DCLK2: variants seen among roughly 807,000 people sequenced by gnomAD.
The protein encoded by DCLK2 is serine/threonine-protein kinase DCLK2.
In DCLK2, 31 loss-of-function variants were observed where a neutral mutation model predicts 78.4. The observed-to-expected ratio is 0.40, with a 90% CI of 0.30 to 0.53. The LOEUF is 0.53. Among genes scored for constraint, DCLK2 ranks in the 20% least tolerant of loss-of-function variants. DCLK2 has a pLI of 0.61. For synonymous variants in DCLK2, 407 were observed against 374.9 expected (o/e 1.09, Z -0.99); for missense variants, 872 against 973.7 (o/e 0.90, Z 1.39).
At position 150,249,697 on chromosome 4, in the gene DCLK2, C is replaced by T. The variant is rs372254129; in HGVS notation, c.2073+13C>T. The stretch of plus-strand genomic sequence containing the variant: ...CTCCGTCATCATGGTGAGTGGAAGG[C>T]GGCAGGTCTGGCCTGACTGCGGAGC... On this transcript the variant is annotated intron_variant, in intron 15 of 15. Coordinates refer to ENST00000296550, the MANE Select transcript of DCLK2 (RefSeq NM_001040260.4). 35 of 1,606,586 alleles carry T rather than the reference C, an allele frequency of 2.2e-5. No individual in the cohort carries two copies. The highest frequency in any genetic ancestry group is 8.3e-5 in the Admixed American group (5 of 59,984).
At chr4:150,156,586 G>T (rs1735288423) in intron 2 of DCLK2, among the ~76,000 whole-genome samples, 1 of 151,866 alleles carries the variant, frequency 6.6e-6, no homozygotes, top group African/African-American at 2.4e-5. Flanking sequence ...TGGGAGATCA[G>T]TTAAGCCCCG....
chr4:150,187,767 G>A (rs372667324), intron 2 of DCLK2, among the ~76,000 whole-genome samples: 60 of 151,668 alleles, frequency 4.0e-4, no homozygotes, highest in African/African-American at 1.4e-3. Flanking sequence ...TCCCTGTCCC[G>A]AGTATACCTG....
chr4:150,134,238 G>A (rs1733536186), intron 2 of DCLK2, among the ~76,000 whole-genome samples: 2 of 151,880 alleles, frequency 1.3e-5, no homozygotes, highest in African/African-American at 4.8e-5. Context: ...CCGCCACTAC[G>A]CCCAGCTAAT....
intron 2 of DCLK2, among the ~76,000 whole-genome samples, chr4:150,188,711 C>A (rs1346613509): frequency 6.6e-6 from 1 of 151,834 alleles, no homozygotes; most frequent in Non-Finnish European, 1.5e-5. Context: ...ACCATCCTGG[C>A]TAACATGGTG....
chr4:150,256,675 TTCTC>T lies in DCLK2; in HGVS notation c.*442_*445del, dbSNP rs10561576. 0.48 allele frequency: 75,232 copies of T among 156,392 alleles called. 19,381 individuals carry two copies. Among genetic ancestry groups the T allele is most frequent in the South Asian group, 0.57 (2,788 of 4,878 alleles). 9.7% of individuals were successfully genotyped at this position (156,392 alleles called of 1,614,324 possible). On this transcript the variant is annotated 3_prime_UTR_variant, in exon 16 of 16. Transcript: ENST00000296550. ...CTCAGAACACTCCCTTTCTTTTCTT[TTCTC>T]TCTCTCTCTCTCTTTTTTTTTTACG...
rs920414645 is a variant in DCLK2 at position 150,177,996 on chromosome 4, A to G, written c.757-15142A>G. ...TGTATTAAAGGGATCTGAAGTAGACATGACCAAATGATATTTGTTAATTCT... is the reference window on the plus strand; with the variant it reads ...TGTATTAAAGGGATCTGAAGTAGACGTGACCAAATGATATTTGTTAATTCT... On this transcript the variant is annotated intron_variant, in intron 2 of 15. Coordinates refer to ENST00000296550, the MANE Select transcript of DCLK2 (RefSeq NM_001040260.4). Among the ~76,000 whole-genome samples the G allele has an allele frequency of 2.6e-5, 4 of 152,330 alleles. No individual in the cohort carries two copies. In the East Asian group the frequency reaches 5.8e-4, roughly 22 times the overall value.
chr4:150,117,774 A>C (rs989196925), intron 2 of DCLK2, among the ~76,000 whole-genome samples: 1 of 152,176 alleles, frequency 6.6e-6, no homozygotes, highest in African/African-American at 2.4e-5. Flanking sequence ...TGTAGGCTGC[A>C]GCCCACTGCT....
chr4:150,115,247 T>C (rs933373142), intron 2 of DCLK2, among the ~76,000 whole-genome samples: 8 of 152,214 alleles, frequency 5.3e-5, no homozygotes, highest in African/African-American at 1.9e-4. Context: ...TAGCTATCTC[T>C]TTACAAAATT....
chr4:150,102,744 G>T lies in DCLK2; in HGVS notation c.688G>T (p.Asp230Tyr). Reference protein sequence around the residue: ...TAHSFEQVLTDITEAIKLDSG... With the variant: ...TAHSFEQVLTYITEAIKLDSG... ...TCATTCCTTTGAACAAGTCTTAACA[G>T]ATATCACCGAAGCCATTAAACTAGA... The change falls in exon 2 of 16, where the codon GAT becomes TAT. Residue 230 changes from aspartate (D) to tyrosine (Y), a missense_variant. This residue lies in a region of DCLK2 where 567 missense variants were observed against 593.4 expected (regional missense o/e 0.96). Coordinates refer to ENST00000296550, the MANE Select transcript of DCLK2 (RefSeq NM_001040260.4). The T allele has an allele frequency of 6.2e-7, 1 of 1,614,104 alleles. No homozygotes were observed. Among genetic ancestry groups the T allele is most frequent in the Non-Finnish European group, 8.5e-7 (1 of 1,180,002 alleles).
chr4:150,156,878 C>T (rs1735322509), intron 2 of DCLK2, among the ~76,000 whole-genome samples: 1 of 151,462 alleles, frequency 6.6e-6, no homozygotes, highest in African/African-American at 2.4e-5. Context: ...TCAAGCAATC[C>T]TCCCACCACA....
chr4:150,242,215 C>G (rs955212670), intron 12 of DCLK2, among the ~76,000 whole-genome samples: 2 of 152,174 alleles, frequency 1.3e-5, no homozygotes, highest in Non-Finnish European at 2.9e-5. Flanking sequence ...ACACACCTCA[C>G]AAGACTATTG....
intron 2 of DCLK2, among the ~76,000 whole-genome samples, chr4:150,126,382 A>G (rs1204772321): frequency 6.6e-6 from 1 of 152,226 alleles, no homozygotes; most frequent in Admixed American, 6.5e-5. Flanking sequence ...ATTTTAAGTC[A>G]GGGTGAGTCT....
intron 2 of DCLK2, among the ~76,000 whole-genome samples, chr4:150,138,832 A>AT (rs1429835865): frequency 1.3e-5 from 2 of 151,660 alleles, no homozygotes; most frequent in Non-Finnish European, 2.9e-5. Context: ...TGCCCAGCTA[A>AT]TTTTTGTATT....
intron 1 of DCLK2, among the ~76,000 whole-genome samples, chr4:150,089,937 C>T (rs577312597): frequency 2.6e-5 from 4 of 152,276 alleles, no homozygotes; most frequent in South Asian, 2.1e-4. Flanking sequence ...TTTGTCCTCT[C>T]GCCTTAACTT....
chr4:150,105,616 T>C (rs188388969), intron 2 of DCLK2, among the ~76,000 whole-genome samples: 1 of 152,216 alleles, frequency 6.6e-6, no homozygotes, highest in African/African-American at 2.4e-5. Context: ...ATATTAACTT[T>C]TGCAATTTAT....
chr4:150,123,874 C>G (rs549887774), intron 2 of DCLK2, among the ~76,000 whole-genome samples: 26 of 152,114 alleles, frequency 1.7e-4, no homozygotes, highest in Non-Finnish European at 2.2e-4. Context: ...GACCTCATCT[C>G]TACAAAAAAT....
chr4:150,228,298 C>T (rs755147134), intron 8 of DCLK2, among the ~76,000 whole-genome samples: 2 of 152,144 alleles, frequency 1.3e-5, no homozygotes, highest in African/African-American at 4.8e-5. Context: ...CAGTCTGTTG[C>T]GTATATTTAT....
intron 3 of DCLK2, 77 bp from the exon 4 acceptor site, chr4:150,197,925 G>A (rs1364565448): frequency 2.6e-6 from 3 of 1,169,550 alleles, no homozygotes; most frequent in Non-Finnish European, 2.5e-6. Flanking sequence ...GTTCTGGTCA[G>A]TAAACAATTA....
At chr4:150,250,680 C>T (rs189678671) in intron 15 of DCLK2, among the ~76,000 whole-genome samples, 113 of 151,766 alleles carry the variant, frequency 7.4e-4, no homozygotes, top group African/African-American at 1.9e-3. Context: ...TCCACAGCTC[C>T]GTCACTCGTA....
Sources: gnomAD v4.1 joint callset for allele counts (sites outside exome capture counted in the v4.1 genomes callset) on GRCh38, gnomAD v4.1.1 for gene constraint, gnomAD v4.1.1 regional missense constraint, MANE v1.5 for transcripts, NCBI Gene and HGNC (gene_info 2026-07-23, HGNC 2026-07-21) for gene names.